The following LINS1 variants were observed in gnomAD, a reference collection of about 807,000 sequenced individuals.
LINS1 encodes the protein lines homolog 1.
Under a neutral mutation model 41.6 loss-of-function variants are expected in LINS1, and 27 were observed. The ratio of observed to expected loss-of-function variants is 0.65; its 90% confidence interval spans 0.48 to 0.89. LINS1 has a LOEUF of 0.89. Ranked by LOEUF, LINS1 falls within the 40% of genes least tolerant of loss-of-function variation. LINS1 has a pLI of 0.00. For synonymous variants in LINS1, 336 were observed against 312.9 expected (o/e 1.07, Z -0.78); for missense variants, 955 against 884.1 (o/e 1.08, Z -1.02).
chr15:100,575,288 A>C (rs950634285), intron 3 of LINS1, among the ~76,000 whole-genome samples, 160 bp from the exon 4 acceptor site: 3 of 152,194 alleles, frequency 2.0e-5, no homozygotes, highest in Admixed American at 2.0e-4. Context: ...AAGTAAAAAA[A>C]TCGAATATGC....
At chr15:100,574,534 C>A (rs2038042319) in intron 4 of LINS1, among the ~76,000 whole-genome samples, 1 of 152,032 alleles carries the variant, frequency 6.6e-6, no homozygotes, top group Non-Finnish European at 1.5e-5. Flanking sequence ...ATGGTAAAAC[C>A]CTGTGTCTAC....
chr15:100,583,341 G>C (rs1024078450), intron 1 of LINS1, among the ~76,000 whole-genome samples: 4 of 152,216 alleles, frequency 2.6e-5, no homozygotes, highest in Non-Finnish European at 5.9e-5. Flanking sequence ...GATTTAGCCT[G>C]AGTTTCAATT....
chr15:100,587,643 T>C (rs1167799026), intron 1 of LINS1, among the ~76,000 whole-genome samples: 1 of 152,180 alleles, frequency 6.6e-6, no homozygotes. Flanking sequence ...ATATTCTGTT[T>C]CCTATGTGTT....
intron 3 of LINS1, among the ~76,000 whole-genome samples, chr15:100,578,746 C>T (rs113916732): frequency 6.6e-6 from 1 of 152,052 alleles, no homozygotes; most frequent in African/African-American, 2.4e-5. Context: ...TGTGGCACTA[C>T]TCACAATAGC....
In LINS1 at chr15:100,580,813, C is replaced by G. The variant is rs1190918631; in HGVS notation, c.30G>C (p.Glu10Asp). 3.7e-6 allele frequency: 6 copies of G among 1,612,622 alleles called. No individual in the cohort carries two copies. Among genetic ancestry groups the G allele is most frequent in the Middle Eastern group, 1.7e-4 (1 of 6,044 alleles). ...CTCCAAGAAGTACCTTCTTGTATAA[C>G]TCTTCTAAAACTTCACAGAAAACTT... is the stretch of plus-strand genomic sequence containing the variant. MKVFCEVLE[E>D]LYKKVLLGAT... Residue 10 changes from glutamate (E) to aspartate (D), a missense_variant, in exon 2 of 7, where the codon GAG becomes GAC. Transcript: ENST00000314742.
chr15:100,590,106 G>A (rs1037761253), intron 1 of LINS1, among the ~76,000 whole-genome samples: 2 of 152,146 alleles, frequency 1.3e-5, no homozygotes, highest in South Asian at 4.1e-4. Flanking sequence ...AGCTAACCAA[G>A]GAAGTCGCTC....
rs111976927 is a variant in LINS1 at position 100,574,601 on chromosome 15, G to C, written c.632-360C>G. Among the ~76,000 whole-genome samples the C allele has an allele frequency of 4.6e-5, 7 of 152,106 alleles. No individual in the cohort carries two copies. In the East Asian group the frequency reaches 1.2e-3, roughly 25 times the overall value. ...TGAGCGCCTGTAATCCCAGCTACTCGGGAGGCTGAGGCAGAAGAATCACTT... is the reference window on the plus strand; with the variant it reads ...TGAGCGCCTGTAATCCCAGCTACTCCGGAGGCTGAGGCAGAAGAATCACTT... On this transcript the variant is annotated intron_variant, in intron 4 of 6. Transcript: ENST00000314742.
At position 100,569,848 on chromosome 15, in the gene LINS1, C is replaced by T. The variant is rs1038599244; in HGVS notation, c.1664G>A (p.Ser555Asn). The T allele has an allele frequency of 6.2e-7, 1 of 1,614,126 alleles. No homozygotes were observed. The highest frequency in any genetic ancestry group is 8.5e-7 in the Non-Finnish European group (1 of 1,180,012). Reference sequence around the variant, plus strand: ...AAGTGAGGGGACACAGCCACAAATACTTATGTCATATTTAGATTCAGTTGC... The same window carrying T: ...AAGTGAGGGGACACAGCCACAAATATTTATGTCATATTTAGATTCAGTTGC... ...FDATESKYDI[S>N]ICGCVPSLVQ... Residue 555 changes from serine (S) to asparagine (N), a missense_variant, in exon 7 of 7, where the codon AGT becomes AAT. By Grantham distance (46) the Ser-to-Asn change is conservative (BLOSUM62 1). Transcript: ENST00000314742.
At chr15:100,574,848 C>A (rs1204579398) in intron 4 of LINS1, 139 bp downstream of exon 4, 2 of 911,388 alleles carry the variant, frequency 2.2e-6, no homozygotes, top group East Asian at 5.0e-5. Context: ...TATCCTCAAT[C>A]AAAATATATT....
chr15:100,600,551 CAAAAAAAAAA>C (rs56911211), intron 1 of LINS1, among the ~76,000 whole-genome samples: 1 of 79,676 alleles, frequency 1.3e-5, no homozygotes, highest in Non-Finnish European at 2.2e-5. Flanking sequence ...TGCTGTTAAG[CAAAAAAAAAA>C]AAAAAAAAAA....
Position 100,574,115 on chromosome 15 carries a change from A to G in LINS1, c.758T>C (p.Leu253Pro), listed in dbSNP as rs1292563788. The G allele has an allele frequency of 3.1e-6, 5 of 1,614,070 alleles. No homozygotes were observed. In the African/African-American group the frequency reaches 6.7e-5, roughly 22 times the overall value. Residue 253 changes from leucine to proline, a missense_variant, in exon 5 of 7, where the codon CTG becomes CCG. Physicochemically the swap from Leu to Pro is moderately conservative, Grantham distance 98 (BLOSUM62 -3). Coordinates refer to ENST00000314742, the MANE Select transcript of LINS1 (RefSeq NM_001040616.3). ...GGCGATGAGAAGCTCAAGCAAATCCAGGAAACACATCAGGATGTTTACTAT... is the reference window on the plus strand; with the variant it reads ...GGCGATGAGAAGCTCAAGCAAATCCGGGAAACACATCAGGATGTTTACTAT... The part of the protein sequence containing the change: ...SKIVNILMCF[L>P]DLLELLIASR...
At chr15:100,589,308 C>G (rs1204413401) in intron 1 of LINS1, among the ~76,000 whole-genome samples, 4 of 152,184 alleles carry the variant, frequency 2.6e-5, no homozygotes, top group Non-Finnish European at 5.9e-5. Flanking sequence ...AAGCTGCTAA[C>G]CCAAGTAGAA....
rs149612647 is a variant in LINS1, at chr15:100,568,797, G to A, written c.*441C>T. The stretch of plus-strand genomic sequence containing the variant: ...CTTGATGTCTCTTTTTCAGTCACTA[G>A]GTTGCTTCCAATAAGGCAAAAAGTA... On this transcript the variant is annotated 3_prime_UTR_variant, in exon 7 of 7. Transcript: ENST00000314742. The A allele has an allele frequency of 5.8e-6, 1 of 172,100 alleles. No individual in the cohort carries two copies. The highest frequency in any genetic ancestry group is 2.4e-5 in the African/African-American group (1 of 41,642). 10.7% of individuals were successfully genotyped at this position (172,100 alleles called of 1,614,324 possible). A position where few individuals can be genotyped will look rare whatever the true frequency, so the allele number is the denominator to read the frequency against.
chr15:100,584,488 G>C (rs1407426278), intron 1 of LINS1, among the ~76,000 whole-genome samples: 1 of 151,838 alleles, frequency 6.6e-6, no homozygotes, highest in Non-Finnish European at 1.5e-5. Context: ...CAGGTTCTTT[G>C]GTAAGAGTGA....
At chr15:100,591,878 T>C (rs1486482965) in intron 1 of LINS1, among the ~76,000 whole-genome samples, 4 of 152,138 alleles carry the variant, frequency 2.6e-5, no homozygotes, top group South Asian at 2.1e-4. Context: ...AGATAGACCA[T>C]TGGTCCCTCT....
At chr15:100,599,092 A>G (rs930237871) in intron 1 of LINS1, among the ~76,000 whole-genome samples, 1 of 152,212 alleles carries the variant, frequency 6.6e-6, no homozygotes, top group African/African-American at 2.4e-5. Context: ...AATAAACTCA[A>G]TTCTGATTGA....
At chr15:100,590,543 T>C (rs778995363) in intron 1 of LINS1, among the ~76,000 whole-genome samples, 1 of 152,202 alleles carries the variant, frequency 6.6e-6, no homozygotes, top group Non-Finnish European at 1.5e-5. Context: ...AAAGAAGCAA[T>C]GATTAGAAAT....
intron 1 of LINS1, among the ~76,000 whole-genome samples, chr15:100,582,826 T>C (rs1330537799): frequency 7.0e-6 from 1 of 143,758 alleles, no homozygotes; most frequent in African/African-American, 2.6e-5. Context: ...CTAGTCTTGG[T>C]CTTAACATGG....
intron 1 of LINS1, chr15:100,597,011 C>G (rs2039278092): frequency 6.6e-6 from 1 of 152,244 alleles, no homozygotes; most frequent in Admixed American, 6.5e-5. Flanking sequence ...CCTCTCCTTT[C>G]ATCATAGAAT....
Sources: gnomAD v4.1 joint callset for allele counts (sites outside exome capture counted in the v4.1 genomes callset) on GRCh38, gnomAD v4.1.1 for gene constraint, MANE v1.5 for transcripts, NCBI Gene and HGNC (gene_info 2026-07-23, HGNC 2026-07-21) for gene names.